CHAC2: variants seen among roughly 807,000 people sequenced by gnomAD.
CHAC2 encodes the protein ChaC glutathione specific gamma-glutamylcyclotransferase 2, also known as glutathione-specific gamma-glutamylcyclotransferase 2.
A neutral mutation model predicts 16.9 loss-of-function variants in CHAC2; 20 were observed. That is an observed-to-expected ratio of 1.18 (90% CI 0.83 to 1.72). The LOEUF is 1.72. Among genes scored for constraint, CHAC2 ranks in the 40% most tolerant of loss-of-function variants. The pLI is 0.00. For synonymous variants in CHAC2, 91 were observed against 77.3 expected, an observed-to-expected ratio of 1.18 and a Z score of -0.93; for missense variants, 269 against 222.2, an observed-to-expected ratio of 1.21 and a Z score of -1.34.
At chr2:53,773,800 C>T (rs1236640784) in intron 2 of CHAC2, among the ~76,000 whole-genome samples, 1 of 151,570 alleles carries the variant, frequency 6.6e-6, no homozygotes, top group Admixed American at 6.6e-5. Flanking sequence ...ACTGGGAGGC[C>T]GAGGCAGGTG....
chr2:53,769,217 G>C (rs2104126129), intron 1 of CHAC2, among the ~76,000 whole-genome samples: 1 of 152,330 alleles, frequency 6.6e-6, no homozygotes, highest in South Asian at 2.1e-4. Flanking sequence ...TGGCTTCTGA[G>C]TTGTCAGTTT....
In CHAC2 at chr2:53,767,809, C is replaced by G; in HGVS notation, c.-78C>G. 1 of 1,526,072 alleles carries G rather than the reference C, an allele frequency of 6.6e-7. No individual in the cohort carries two copies. The allele number at this position is 1,526,072 out of a possible 1,614,324, so 94.5% of individuals were successfully genotyped here. Reference sequence around the variant, plus strand: ...TGCGCCCCGCGCGGCCGGTTACTCGCTTACCGGAGGCTTCAGTCCCCGGCG... The same window carrying G: ...TGCGCCCCGCGCGGCCGGTTACTCGGTTACCGGAGGCTTCAGTCCCCGGCG... On this transcript the variant is annotated 5_prime_UTR_variant, in exon 1 of 3. Transcript: ENST00000295304.
chr2:53,774,326 T>C lies in CHAC2; in HGVS notation c.356T>C (p.Leu119Pro). ...GGAACATGTGATAATCCTGATTATC[T>C]TGGTCCTGCACCTCTGGAAGACATT... ...YIGTCDNPDY[L>P]GPAPLEDIAE... Residue 119 changes from leucine to proline, a missense_variant, in exon 3 of 3, where the codon CTT becomes CCT. Leu to Pro is a moderately conservative substitution (Grantham distance 98). Transcript: ENST00000295304. The C allele has an allele frequency of 6.2e-7, 1 of 1,613,528 alleles. No homozygotes were observed. Among genetic ancestry groups the C allele is most frequent in the Non-Finnish European group, 8.5e-7 (1 of 1,179,674 alleles).
chr2:53,773,673 C>T (rs1288575546), intron 2 of CHAC2, among the ~76,000 whole-genome samples: 4 of 151,874 alleles, frequency 2.6e-5, no homozygotes, highest in Non-Finnish European at 5.9e-5. Flanking sequence ...TCGTGATCCA[C>T]TCACCTCGGC....
chr2:53,774,269 C>A lies in CHAC2; in HGVS notation c.299C>A (p.Thr100Lys). The change falls in exon 3 of 3, where the codon ACA (threonine) becomes AAA (lysine). Residue 100 changes from threonine (T) to lysine (K), a missense_variant. Coordinates refer to ENST00000295304, the MANE Select transcript of CHAC2 (RefSeq NM_001008708.4). ...TTVIFYPKDP[T>K]TKPFSVLLYI... ...GTCATTTTTTATCCAAAAGATCCCA[C>A]AACAAAACCATTCAGTGTATTGCTA... 6.2e-7 allele frequency: 1 copy of A among 1,614,126 alleles called. No individual in the cohort carries two copies. The highest frequency in any genetic ancestry group is 8.5e-7 in the Non-Finnish European group (1 of 1,180,020).
intron 1 of CHAC2, among the ~76,000 whole-genome samples, chr2:53,769,060 T>C (rs761395235): frequency 2.0e-4 from 31 of 152,240 alleles, no homozygotes; most frequent in Admixed American, 8.5e-4. Flanking sequence ...TACTGGCCTA[T>C]TGGGATGTTG....
intron 1 of CHAC2, among the ~76,000 whole-genome samples, chr2:53,769,625 T>A (rs1673750560): frequency 6.6e-6 from 1 of 152,188 alleles, no homozygotes; most frequent in South Asian, 2.1e-4. Context: ...GGCGGGTGGA[T>A]CACCTGAGGT....
chr2:53,774,407 T>C lies in CHAC2; in HGVS notation c.437T>C (p.Phe146Ser), dbSNP rs757822415. The change falls in exon 3 of 3, where the codon TTT becomes TCT. Residue 146 changes from phenylalanine to serine, a missense_variant. Physicochemically the swap from Phe to Ser is radical, Grantham distance 155 (BLOSUM62 -2). Transcript: ENST00000295304. ...AGTGGAAGAAATACAGAATATCTTT[T>C]TGAACTTGCAAATTCTATTAGGAAC... ...GPSGRNTEYL[F>S]ELANSIRNLV... 1.2e-6 allele frequency: 2 copies of C among 1,612,970 alleles called. No individual in the cohort carries two copies. Among genetic ancestry groups the C allele is most frequent in the South Asian group, 1.1e-5 (1 of 90,458 alleles).
chr2:53,774,746 C>A lies in CHAC2; in HGVS notation c.*221C>A, dbSNP rs1037466031. ...CTAACTTTATGTTATTGAACACTTA[C>A]TCACTAGAAGTGAGTTCTTTAGAAA... On this transcript the variant is annotated 3_prime_UTR_variant, in exon 3 of 3. Coordinates refer to ENST00000295304, the MANE Select transcript of CHAC2 (RefSeq NM_001008708.4). 7 of 400,620 alleles carry A rather than the reference C, an allele frequency of 1.7e-5. No homozygotes were observed. The Admixed American group carries it at 2.0e-4, about 12-fold the overall frequency. 24.8% of individuals were successfully genotyped at this position (400,620 alleles called of 1,614,324 possible).
At chr2:53,771,993 C>A (rs377640536) in intron 2 of CHAC2, 51 bp downstream of exon 2, 6 of 1,038,008 alleles carry the variant, frequency 5.8e-6, no homozygotes, top group South Asian at 1.6e-5. Context: ...TAAAATGTTG[C>A]GATGTTTCTG....
chr2:53,767,986 C>G lies in CHAC2; in HGVS notation c.100C>G (p.Gln34Glu), dbSNP rs1388889651. 6.2e-7 allele frequency: 1 copy of G among 1,611,500 alleles called. No individual in the cohort carries two copies. Among genetic ancestry groups the G allele is most frequent in the African/African-American group, 1.3e-5 (1 of 74,992 alleles). Reference protein sequence around the residue: ...YITNYSRRFWQGSTDHRGVPG... With the variant: ...YITNYSRRFWEGSTDHRGVPG... ...CACCAACTACAGCAGGCGCTTCTGG[C>G]AGGGCAGCACGGACCACCGCGGGGT... The change falls in exon 1 of 3, where the codon CAG (glutamine) becomes GAG (glutamate). Residue 34 changes from glutamine to glutamate, a missense_variant. Gln to Glu is a conservative substitution (Grantham distance 29). Coordinates refer to ENST00000295304, the MANE Select transcript of CHAC2 (RefSeq NM_001008708.4).
Position 53,774,517 on chromosome 2 carries a change from T to C in CHAC2, c.547T>C (p.Cys183Arg). Residue 183 changes from cysteine (C) to arginine (R), a missense_variant, in exon 3 of 3, where the codon TGC becomes CGC. Cys to Arg is a radical substitution (Grantham distance 180). Coordinates refer to ENST00000295304, the MANE Select transcript of CHAC2 (RefSeq NM_001008708.4). ...ERLEGKQNLNCI is the reference protein window; with the variant it reads ...ERLEGKQNLNRI ...TTTAGAAGGGAAACAGAACCTCAAT[T>C]GCATATAATTTAGTCTTCAGAGAAT... 1 of 1,536,680 alleles carries C rather than the reference T, an allele frequency of 6.5e-7. No homozygotes were observed. Among genetic ancestry groups the C allele is most frequent in the Non-Finnish European group, 8.7e-7 (1 of 1,147,716 alleles).
At chr2:53,771,185 A>G (rs61226930) in intron 1 of CHAC2, among the ~76,000 whole-genome samples, 2,534 of 152,290 alleles carry the variant, frequency 0.017, 72 homozygotes, top group African/African-American at 0.058. Context: ...CCCTATATAT[A>G]GGAAAGCACC....
chr2:53,772,113 A>G (rs1414889881), intron 2 of CHAC2, among the ~76,000 whole-genome samples, 171 bp downstream of exon 2: 1 of 152,092 alleles, frequency 6.6e-6, no homozygotes, highest in Non-Finnish European at 1.5e-5. Flanking sequence ...GGCCAATAAG[A>G]AAAGTTAGAA....
intron 1 of CHAC2, among the ~76,000 whole-genome samples, chr2:53,770,316 T>A (rs892087700): frequency 6.6e-6 from 1 of 152,112 alleles, no homozygotes; most frequent in Non-Finnish European, 1.5e-5. Context: ...TACGAACAGA[T>A]GAAGACTAAA....
intron 1 of CHAC2, among the ~76,000 whole-genome samples, chr2:53,768,915 G>T (rs1395447094): frequency 6.6e-6 from 1 of 152,222 alleles, no homozygotes; most frequent in Non-Finnish European, 1.5e-5. Flanking sequence ...AAGTGGAAAA[G>T]ATCAAGGCGC....
Position 53,774,193 on chromosome 2 carries a change from G to T in CHAC2, c.223G>T (p.Val75Leu). The T allele has an allele frequency of 6.2e-7, 1 of 1,613,434 alleles. No individual in the cohort carries two copies. Among genetic ancestry groups the T allele is most frequent in the Non-Finnish European group, 8.5e-7 (1 of 1,179,802 alleles). ...YRLPVGKEEE[V>L]KAYLDFREKG... ...ATTGCCAGTAGGAAAGGAAGAAGAA[G>T]TAAAAGCATACCTTGACTTCAGAGA... The change falls in exon 3 of 3, where the codon GTA (valine) becomes TTA (leucine). Residue 75 changes from valine (V) to leucine (L), a missense_variant. Val to Leu is a conservative substitution (Grantham distance 32). Coordinates refer to ENST00000295304, the MANE Select transcript of CHAC2 (RefSeq NM_001008708.4).
At chr2:53,773,224 A>C (rs1182673947) in intron 2 of CHAC2, among the ~76,000 whole-genome samples, 1 of 152,008 alleles carries the variant, frequency 6.6e-6, no homozygotes, top group Non-Finnish European at 1.5e-5. Flanking sequence ...TTTTTTAATG[A>C]CCAAGTGAAA....
At chr2:53,772,385 A>G (rs866665627) in intron 2 of CHAC2, among the ~76,000 whole-genome samples, 15 of 152,306 alleles carry the variant, frequency 9.8e-5, no homozygotes, top group South Asian at 8.3e-4. Context: ...CGTGTTAGCC[A>G]GGATGGTCTC....
Sources: allele counts gnomAD v4.1 joint callset (sites outside exome capture counted in the v4.1 genomes callset), GRCh38; gene constraint gnomAD v4.1.1; transcripts MANE v1.5; gene names NCBI Gene and HGNC (gene_info 2026-07-23, HGNC 2026-07-21).